Variants in C20orf204 observed in about 807,000 individuals in gnomAD.
C20orf204 encodes chromosome 20 open reading frame 204.
C20orf204 carries 6 observed loss-of-function variants against 3.6 expected under a neutral mutation model. The observed-to-expected ratio is 1.68, with a 90% confidence interval of 0.92 to 3.31. C20orf204 has a LOEUF of 3.31. C20orf204 is among the 30% of genes most tolerant of loss of function. The pLI is 0.00. For synonymous variants in C20orf204, 80 were observed against 41.4 expected, an observed-to-expected ratio of 1.93 and a Z score of -3.58; for missense variants, 167 against 89.7, an observed-to-expected ratio of 1.86 and a Z score of -3.48.
At chr20:64,034,324 G>A (rs777020281), upstream of C20orf204, 2 of 152,506 alleles carry the variant, frequency 1.3e-5, no homozygotes, top group Non-Finnish European at 2.9e-5. Flanking sequence ...TGCTCCTGAC[G>A]AGTGAGAATG....
chr20:64,037,851 A>G (rs2059343283), intron 1 of C20orf204, 76 bp from the exon 2 acceptor site: 3 of 404,374 alleles, frequency 7.4e-6, no homozygotes, highest in Non-Finnish European at 1.3e-5. Context: ...CTACGGAAAC[A>G]AAGTGCAGGT....
At chr20:64,036,564 G>A (rs2059338342) in intron 1 of C20orf204, 2 of 152,376 alleles carry the variant, frequency 1.3e-5, no homozygotes, top group South Asian at 2.1e-4. Context: ...TGAGGCTTGA[G>A]CCTGGAAGTG....
At chr20:64,035,330 C>G (rs1025137090), upstream of C20orf204, 2 of 152,284 alleles carry the variant, frequency 1.3e-5, no homozygotes, top group Non-Finnish European at 2.9e-5. Context: ...CACATCCAAA[C>G]ACGGAAAAGG....
Position 64,038,840 on chromosome 20 carries a change from C to T in C20orf204, c.*81C>T, listed in dbSNP as rs1569229931. ...CTGGAGACGCGCCTCGTTCTGTAGA[C>T]TTGTTGGTGACCTCGGCCCCTCGCT... On this transcript the variant is annotated 3_prime_UTR_variant, in exon 4 of 4. Coordinates refer to ENST00000636176, the MANE Select transcript of C20orf204 (RefSeq NM_001387010.1). 1.4e-6 allele frequency: 1 copy of T among 719,702 alleles called. No individual in the cohort carries two copies. Among genetic ancestry groups the T allele is most frequent in the South Asian group, 1.5e-5 (1 of 68,388 alleles). The allele number at this position is 719,702 out of a possible 1,614,324, so 44.6% of individuals were successfully genotyped here. A position where few individuals can be genotyped will look rare whatever the true frequency, so the allele number is the denominator to read the frequency against.
upstream of C20orf204, among the ~76,000 whole-genome samples, chr20:64,033,746 A>G (rs1346353193): frequency 6.6e-6 from 1 of 152,126 alleles, no homozygotes; most frequent in Non-Finnish European, 1.5e-5. Flanking sequence ...ACCTCAGGTG[A>G]TCCATCTGCC....
upstream of C20orf204, chr20:64,034,338 G>C (rs2059330318): frequency 6.6e-6 from 1 of 152,504 alleles, no homozygotes; most frequent in Admixed American, 6.5e-5. Flanking sequence ...GAGAATGGCT[G>C]GGGTGGGAGA....
At chr20:64,035,482 A>G (rs1371491650), upstream of C20orf204, 1 of 152,274 alleles carries the variant, frequency 6.6e-6, no homozygotes, top group Non-Finnish European at 1.5e-5. Flanking sequence ...TCAGCCTGCA[A>G]AGATGAGTTG....
rs1245175495 is a variant in C20orf204, at chr20:64,038,739, C to T, written c.550C>T (p.Pro184Ser). 31 of 690,592 alleles carry T rather than the reference C, an allele frequency of 4.5e-5. No individual in the cohort carries two copies. The highest frequency in any genetic ancestry group is 7.7e-5 in the Non-Finnish European group (29 of 375,384). The allele number at this position is 690,592 out of a possible 1,614,324, so 42.8% of individuals were successfully genotyped here. ...GGAGAAGCTCTTCGCGCTGCGCGCC[C>T]CGGCCTCCAGGGACTCCTAGCGCGG... ...CWEKLFALRAPASRDS is the reference protein window; with the variant it reads ...CWEKLFALRASASRDS The change falls in exon 4 of 4, where the codon CCG becomes TCG. Residue 184 changes from proline to serine, a missense_variant. Physicochemically the swap from Pro to Ser is moderately conservative, Grantham distance 74. Coordinates refer to ENST00000636176, the MANE Select transcript of C20orf204 (RefSeq NM_001387010.1).
At chr20:64,037,676 C>A in intron 1 of C20orf204, 1 of 385,976 alleles carries the variant, frequency 2.6e-6, no homozygotes, top group Non-Finnish European at 4.6e-6. Context: ...ATCACTCACC[C>A]CTTTCACATC....
Position 64,036,344 on chromosome 20 carries a change from T to G in C20orf204, c.3+18T>G, listed in dbSNP as rs1361419281. 1 of 152,432 alleles carries G rather than the reference T, an allele frequency of 6.6e-6. No homozygotes were observed. The highest frequency in any genetic ancestry group is 2.4e-5 in the African/African-American group (1 of 41,348). The allele number at this position is 152,432 out of a possible 1,614,324, so 9.4% of individuals were successfully genotyped here. On this transcript the variant is annotated intron_variant, in intron 1 of 3. Coordinates refer to ENST00000636176, the MANE Select transcript of C20orf204 (RefSeq NM_001387010.1). Reference sequence around the variant, plus strand: ...GGCCCATGGTGAGCAGCTGTGGGCCTCCTCTAGGGAGGGGGCTTACTTGGG... The same window carrying G: ...GGCCCATGGTGAGCAGCTGTGGGCCGCCTCTAGGGAGGGGGCTTACTTGGG...
At chr20:64,034,896 G>A (rs1286401798), upstream of C20orf204, 2 of 152,320 alleles carry the variant, frequency 1.3e-5, no homozygotes, top group Non-Finnish European at 2.9e-5. Flanking sequence ...GTACAGATGT[G>A]GAAACCGAGG....
chr20:64,035,324 T>C (rs1242030285), upstream of C20orf204: 3 of 152,234 alleles, frequency 2.0e-5, no homozygotes, highest in Non-Finnish European at 4.4e-5. Context: ...TTTAATCACA[T>C]CCAAACACGG....
chr20:64,033,720 C>T (rs780171975), upstream of C20orf204, among the ~76,000 whole-genome samples: 3 of 152,174 alleles, frequency 2.0e-5, no homozygotes, highest in Non-Finnish European at 1.5e-5. Context: ...TACAGGCGCC[C>T]GCTGCCAAAC....
chr20:64,038,208 G>A lies in C20orf204; in HGVS notation c.279+6G>A, dbSNP rs1308848348. On this transcript the variant is annotated splice_donor_region_variant and intron_variant, in intron 2 of 3. Transcript: ENST00000636176. ...CCTCCTGTGGCGCCCAGAAGGTATG[G>A]AGGAGGCGCCCCTACCCAAGCTCGC... The A allele has an allele frequency of 7.1e-6, 5 of 700,652 alleles. No homozygotes were observed. Among genetic ancestry groups the A allele is most frequent in the Admixed American group, 2.0e-5 (1 of 50,012 alleles). The allele number at this position is 700,652 out of a possible 1,614,324, so 43.4% of individuals were successfully genotyped here. A position where few individuals can be genotyped will look rare whatever the true frequency, so the allele number is the denominator to read the frequency against.
rs2059344389 is a variant in C20orf204, at chr20:64,038,056, C to G, written c.133C>G (p.Leu45Val). 1.9e-6 allele frequency: 1 copy of G among 523,038 alleles called. No individual in the cohort carries two copies. The allele number at this position is 523,038 out of a possible 1,614,324, so 32.4% of individuals were successfully genotyped here. A position where few individuals can be genotyped will look rare whatever the true frequency, so the allele number is the denominator to read the frequency against. The change falls in exon 2 of 4, where the codon CTG (leucine) becomes GTG (valine). Residue 45 changes from leucine (L) to valine (V), a missense_variant. Leu to Val is a conservative substitution (Grantham distance 32). Coordinates refer to ENST00000636176, the MANE Select transcript of C20orf204 (RefSeq NM_001387010.1). ...RHYRAIIFED[L>V]QAAVKWGGAG... ...CTATCGCGCCATCATCTTCGAGGAT[C>G]TGCAGGCCGCCGTGAAGTGGGGCGG... is the stretch of plus-strand genomic sequence containing the variant.
In C20orf204 at chr20:64,038,830, G is replaced by A. The variant is rs751883741; in HGVS notation, c.*71G>A. On this transcript the variant is annotated 3_prime_UTR_variant, in exon 4 of 4. Transcript: ENST00000636176. ...GCGGCAGAGCCTGGAGACGCGCCTC[G>A]TTCTGTAGACTTGTTGGTGACCTCG... 4 of 711,708 alleles carry A rather than the reference G, an allele frequency of 5.6e-6. No homozygotes were observed. In the Admixed American group the frequency reaches 7.9e-5, roughly 14 times the overall value. The allele number at this position is 711,708 out of a possible 1,614,324, so 44.1% of individuals were successfully genotyped here.
intron 1 of C20orf204, chr20:64,037,266 G>GT (rs1262841659): frequency 6.6e-6 from 1 of 152,418 alleles, no homozygotes; most frequent in African/African-American, 2.4e-5. Context: ...GCTTCTGGGT[G>GT]TCCCCCTAGC....
rs959708916 is a variant in C20orf204, at chr20:64,038,955, A to C, written c.*196A>C. On this transcript the variant is annotated 3_prime_UTR_variant, in exon 4 of 4. Coordinates refer to ENST00000636176, the MANE Select transcript of C20orf204 (RefSeq NM_001387010.1). ...GGGTCACGGAGGAGGCCCGCCCTCC[A>C]CGCGCCGAAGGCCTCAATAAACGGA... 1.4e-6 allele frequency: 1 copy of C among 722,260 alleles called. No homozygotes were observed. 44.7% of individuals were successfully genotyped at this position (722,260 alleles called of 1,614,324 possible).
rs2059346541 is a variant in C20orf204, at chr20:64,038,365, C to T, written c.349C>T (p.Arg117Cys). 3.9e-6 allele frequency: 3 copies of T among 766,192 alleles called. No homozygotes were observed. Among genetic ancestry groups the T allele is most frequent in the Admixed American group, 1.7e-5 (1 of 57,438 alleles). 47.5% of individuals were successfully genotyped at this position (766,192 alleles called of 1,614,324 possible). The change falls in exon 3 of 4, where the codon CGC becomes TGC. Residue 117 changes from arginine to cysteine, a missense_variant. Coordinates refer to ENST00000636176, the MANE Select transcript of C20orf204 (RefSeq NM_001387010.1). ...GCGCGGGGCGGTGGCCGGGGGCCGC[C>T]GCGGGGCCCTGGAGAGAGCTGCTTG... is the stretch of plus-strand genomic sequence containing the variant. ...TLRGAVAGGR[R>C]GALERAAWTV...
Sources: gnomAD v4.1 joint callset for allele counts (sites outside exome capture counted in the v4.1 genomes callset) on GRCh38, gnomAD v4.1.1 for gene constraint, MANE v1.5 for transcripts, NCBI Gene and HGNC (gene_info 2026-07-23, HGNC 2026-07-21) for gene names.